The following PITPNM3 variants were observed in gnomAD, a reference collection of about 807,000 sequenced individuals.
The protein encoded by PITPNM3 is membrane-associated phosphatidylinositol transfer protein 3.
In PITPNM3, 26 loss-of-function variants were observed where a neutral mutation model predicts 102.0. That is an observed-to-expected ratio of 0.25 (90% CI 0.19 to 0.35). The LOEUF (loss-of-function observed/expected upper bound fraction) is 0.35. Among genes scored for constraint, PITPNM3 ranks in the 10% least tolerant of loss-of-function variants. The pLI, the probability that PITPNM3 is intolerant of heterozygous loss-of-function variation, is 1.00. For missense variants in PITPNM3, 1,083 were observed against 1,346.1 expected (o/e 0.80, Z 3.06); for synonymous variants, 578 against 558.6 (o/e 1.03, Z -0.49).
chr17:6,455,699 AAGAAGGGAGGGGAGGG>A, intron 19 of PITPNM3, 56 bp from the exon 20 acceptor site: 1 of 522,344 alleles, frequency 1.9e-6, no homozygotes, highest in Admixed American at 4.7e-5. Flanking sequence ...GCGCAGGGGG[AAGAAGGGAGGGGAGGG>A]GGAAGAGGGG....
At chr17:6,525,996 T>C (rs1254246962) in intron 2 of PITPNM3, among the ~76,000 whole-genome samples, 1 of 151,678 alleles carries the variant, frequency 6.6e-6, no homozygotes, top group Non-Finnish European at 1.5e-5. Context: ...CCACCAGGAG[T>C]TGAGTGGATG....
At chr17:6,510,962 G>T (rs113788758) in intron 3 of PITPNM3, among the ~76,000 whole-genome samples, 114 of 152,360 alleles carry the variant, frequency 7.5e-4, no homozygotes, top group African/African-American at 2.5e-3. Context: ...TTGACTAGGA[G>T]ACAGTGGGGG....
chr17:6,473,705 G>A (rs1043571344), intron 10 of PITPNM3, among the ~76,000 whole-genome samples: 1 of 152,130 alleles, frequency 6.6e-6, no homozygotes, highest in African/African-American at 2.4e-5. Context: ...AGCCGGGCAC[G>A]GTGGTTCACG....
At position 6,453,002 on chromosome 17, in the gene PITPNM3, T is replaced by TCTTTCTTTCTCCC. The variant is rs1555550041; in HGVS notation, c.*2335_*2336insGGGAGAAAGAAAG. The stretch of plus-strand genomic sequence containing the variant: ...CCTCTCTCTCTCTCTCTGTCTTCCT[T>TCTTTCTTTCTCCC]TCTCTCTCTCTCTCTCTCTCTGCCT... On this transcript the variant is annotated 3_prime_UTR_variant, in exon 20 of 20. Transcript: ENST00000262483. 1.1e-4 allele frequency: 13 copies of TCTTTCTTTCTCCC among 118,782 alleles called. No homozygotes were observed. Among genetic ancestry groups the TCTTTCTTTCTCCC allele is most frequent in the African/African-American group, 4.1e-4 (13 of 31,394 alleles). 7.4% of individuals were successfully genotyped at this position (118,782 alleles called of 1,614,324 possible).
chr17:6,515,429 A>G (rs1908114096), intron 3 of PITPNM3, among the ~76,000 whole-genome samples: 1 of 151,620 alleles, frequency 6.6e-6, no homozygotes, highest in Admixed American at 6.6e-5. Context: ...AAGAAAGAAA[A>G]GAAAAAATAT....
intron 4 of PITPNM3, among the ~76,000 whole-genome samples, chr17:6,492,289 T>A (rs774983588): frequency 2.6e-5 from 4 of 151,970 alleles, no homozygotes; most frequent in African/African-American, 2.4e-5. Flanking sequence ...GGTCTCGATC[T>A]CTTGACCTTG....
chr17:6,512,336 G>T (rs1466258167), intron 3 of PITPNM3, among the ~76,000 whole-genome samples: 3 of 144,706 alleles, frequency 2.1e-5, no homozygotes, highest in African/African-American at 8.7e-5. Context: ...ACACAAACTG[G>T]CATGTGCACA....
chr17:6,496,859 C>T (rs922679447), intron 4 of PITPNM3, among the ~76,000 whole-genome samples: 4 of 152,116 alleles, frequency 2.6e-5, no homozygotes, highest in South Asian at 2.1e-4. Flanking sequence ...CGCACAGAGA[C>T]GCACACTCAT....
chr17:6,541,286 A>AGTGTGTGTGTGTGTGTGTGT (rs113549938), intron 1 of PITPNM3, among the ~76,000 whole-genome samples: 1,624 of 145,672 alleles, frequency 0.011, 14 homozygotes, highest in African/African-American at 0.015. Context: ...ATATGCTAAG[A>AGTGTGTGTGTGTGTGTGTGT]GTGTGTGTGT....
In PITPNM3 at chr17:6,483,949, C is replaced by A. The variant is rs527725281; in HGVS notation, c.352-197G>T. ...GAGGAGCAGTCTCAGCTCTAATACA[C>A]CCTGCTGTGTGATAGAACCTCTGGT... On this transcript the variant is annotated intron_variant, in intron 5 of 19. Coordinates refer to ENST00000262483, the MANE Select transcript of PITPNM3 (RefSeq NM_031220.4). Among the ~76,000 whole-genome samples, 35 of 152,316 alleles carry A rather than the reference C, an allele frequency of 2.3e-4. No homozygotes were observed. In the South Asian group the frequency reaches 7.2e-3, roughly 32 times the overall value.
chr17:6,521,692 T>C (rs1649112502), intron 3 of PITPNM3, among the ~76,000 whole-genome samples: 1 of 151,290 alleles, frequency 6.6e-6, no homozygotes, highest in Admixed American at 6.6e-5. Context: ...AAATAAAAAA[T>C]GTATAATACA....
chr17:6,539,040 G>C (rs536118575), intron 1 of PITPNM3, among the ~76,000 whole-genome samples: 27 of 152,150 alleles, frequency 1.8e-4, no homozygotes, highest in Non-Finnish European at 1.6e-4. Context: ...CCTGCCTGTC[G>C]TTCCTGCCTG....
intron 14 of PITPNM3, among the ~76,000 whole-genome samples, chr17:6,467,067 C>CAAAAAAAAAAA (rs1408443729): frequency 2.0e-4 from 1 of 4,914 alleles, no homozygotes. Context: ...CGTCTCAAAA[C>CAAAAAAAAAAA]AAAAAAAAAA....
intron 9 of PITPNM3, among the ~76,000 whole-genome samples, chr17:6,475,345 C>T (rs987634020): frequency 2.1e-4 from 32 of 152,174 alleles, no homozygotes; most frequent in Non-Finnish European, 3.2e-4. Flanking sequence ...CAGAGTAGGA[C>T]GCTGAGAATC....
rs375945068 is a variant in PITPNM3 at position 6,469,862 on chromosome 17, C to A, written c.1773+398G>T. The stretch of plus-strand genomic sequence containing the variant: ...TCATGAACATCATGACCCCTACCAG[C>A]TCCCCAGACTCCCTCCCCACCAGGC... On this transcript the variant is annotated intron_variant, in intron 13 of 19. Transcript: ENST00000262483. This position sits in a 1 kb window ranked among gnomAD's most constrained non-coding sequence, Gnocchi z 4.0. 6.6e-6 allele frequency among the ~76,000 whole-genome samples: 1 copy of A among 152,212 alleles called. No homozygotes were observed. Among genetic ancestry groups the A allele is most frequent in the Non-Finnish European group, 1.5e-5 (1 of 68,036 alleles).
chr17:6,506,802 C>A (rs1449293303), intron 3 of PITPNM3, among the ~76,000 whole-genome samples: 2 of 152,220 alleles, frequency 1.3e-5, no homozygotes, highest in Non-Finnish European at 1.5e-5. Flanking sequence ...CACCCAGGAT[C>A]CCCCTCCTGC....
At chr17:6,524,263 A>T (rs1206684178) in intron 3 of PITPNM3, among the ~76,000 whole-genome samples, 2 of 152,182 alleles carry the variant, frequency 1.3e-5, no homozygotes, top group South Asian at 4.1e-4. Context: ...CCAGAGCACG[A>T]CTGCGAATGA....
Position 6,527,362 on chromosome 17 carries a change from C to G in PITPNM3, c.119-1899G>C, listed in dbSNP as rs545513327. On this transcript the variant is annotated intron_variant, in intron 2 of 19. Transcript: ENST00000262483. ...TCTAAAAGTGATATCATCGTAGGGCCTCTGTCATTGGATTGTTGTGAGCAT... is the reference window on the plus strand; with the variant it reads ...TCTAAAAGTGATATCATCGTAGGGCGTCTGTCATTGGATTGTTGTGAGCAT... Among the ~76,000 whole-genome samples the G allele has an allele frequency of 5.9e-5, 9 of 152,260 alleles. No individual in the cohort carries two copies. The East Asian group carries it at 7.7e-4, about 13-fold the overall frequency.
rs997273491 is a variant in PITPNM3, at chr17:6,478,672, C to T, written c.652G>A (p.Ala218Thr). The change falls in exon 7 of 20, where the codon GCC becomes ACC. Residue 218 changes from alanine (A) to threonine (T), a missense_variant. By Grantham distance (58) the Ala-to-Thr change is moderately conservative (BLOSUM62 0). Around this residue, in one of 5 missense-constraint regions of PITPNM3, gnomAD observed 290 missense variants for 337.8 expected, o/e 0.86. Coordinates refer to ENST00000262483, the MANE Select transcript of PITPNM3 (RefSeq NM_031220.4). This position sits in a 1 kb window ranked among gnomAD's most constrained non-coding sequence, Gnocchi z 4.4. The stretch of plus-strand genomic sequence containing the variant: ...GAGGAGATGGCCAACAGGGGAAGGG[C>T]GGCCAGAGGGACGTGGTCCTGGCTG... Reference protein sequence around the residue: ...SSSQDHVPLAALPLLAISSPQ... With the variant: ...SSSQDHVPLATLPLLAISSPQ... 1.9e-6 allele frequency: 3 copies of T among 1,612,088 alleles called. No homozygotes were observed. The highest frequency in any genetic ancestry group is 2.5e-6 in the Non-Finnish European group (3 of 1,179,130).
Sources: allele counts gnomAD v4.1 joint callset (sites outside exome capture counted in the v4.1 genomes callset), GRCh38; gene constraint gnomAD v4.1.1; regional missense constraint gnomAD v4.1.1; non-coding constraint Gnocchi (gnomAD v3.1); transcripts MANE v1.5; gene names NCBI Gene and HGNC (gene_info 2026-07-23, HGNC 2026-07-21).